Variants in GDPD4 observed in about 807,000 individuals in gnomAD.
GDPD4 encodes the protein glycerophosphodiester phosphodiesterase domain containing 4, also known as glycerophosphodiester phosphodiesterase 6.
A neutral mutation model predicts 67.8 loss-of-function variants in GDPD4; 60 were observed. The observed-to-expected ratio is 0.88, with a 90% CI of 0.72 to 1.10. GDPD4 has a LOEUF of 1.10. Ranked by LOEUF, GDPD4 falls within the 50% of genes least tolerant of loss-of-function variation. GDPD4 has a pLI of 0.00. For synonymous variants in GDPD4, 212 were observed against 210.9 expected (o/e 1.00, Z -0.04); for missense variants, 623 against 613.9 (o/e 1.01, Z -0.16).
intron 16 of GDPD4, among the ~76,000 whole-genome samples, chr11:77,227,125 C>G (rs1209619312): frequency 6.6e-6 from 1 of 152,174 alleles, no homozygotes; most frequent in Non-Finnish European, 1.5e-5. Flanking sequence ...CATTGGCTTC[C>G]AAAACTTACT....
chr11:77,220,675 TTG>T (rs1958208996), intron 16 of GDPD4, among the ~76,000 whole-genome samples: 1 of 150,834 alleles, frequency 6.6e-6, no homozygotes, highest in South Asian at 2.1e-4. Flanking sequence ...TCTTTTTTTG[TTG>T]TGTCTCTGCC....
At chr11:77,254,539 C>G (rs1403890728) in intron 11 of GDPD4, among the ~76,000 whole-genome samples, 1 of 152,132 alleles carries the variant, frequency 6.6e-6, no homozygotes, top group African/African-American at 2.4e-5. Flanking sequence ...TGTCATTTCT[C>G]CTTTGAGTGG....
intron 11 of GDPD4, among the ~76,000 whole-genome samples, chr11:77,258,096 G>A (rs983104218): frequency 5.3e-5 from 8 of 152,202 alleles, no homozygotes; most frequent in Non-Finnish European, 2.9e-5. Flanking sequence ...TTATGTACAT[G>A]TTAGCCATAC....
chr11:77,251,149 A>G (rs544369656), intron 11 of GDPD4, among the ~76,000 whole-genome samples: 2 of 152,296 alleles, frequency 1.3e-5, no homozygotes, highest in East Asian at 3.9e-4. Flanking sequence ...CAAGGTTATT[A>G]TAATAGGGGA....
intron 13 of GDPD4, among the ~76,000 whole-genome samples, chr11:77,238,122 A>C (rs1958598017): frequency 6.6e-6 from 1 of 152,174 alleles, no homozygotes; most frequent in Non-Finnish European, 1.5e-5. Context: ...AAGATAACAA[A>C]GCCAAAATTC....
intron 16 of GDPD4, among the ~76,000 whole-genome samples, chr11:77,226,617 T>C (rs112681604): frequency 0.04 from 6,109 of 152,258 alleles, 433 homozygotes; most frequent in African/African-American, 0.14. Flanking sequence ...ACCCAGTCTA[T>C]GGTATTTTGT....
At position 77,285,271 on chromosome 11, in the gene GDPD4, G is replaced by A. The variant is rs187050242; in HGVS notation, c.-50-84C>T. The A allele has an allele frequency of 8.7e-5, 59 of 680,816 alleles. No individual in the cohort carries two copies. The Admixed American group carries it at 1.5e-3, about 18-fold the overall frequency. The allele number at this position is 680,816 out of a possible 1,614,324, so 42.2% of individuals were successfully genotyped here. ...TTCTGTATACACTTGCCAAAGGTCA[G>A]CATAGTTGCACTGCCATGCATTACC... On this transcript the variant is annotated intron_variant, in intron 2 of 16. Coordinates refer to ENST00000315938, the MANE Select transcript of GDPD4 (RefSeq NM_182833.3).
Position 77,235,010 on chromosome 11 carries a change from T to TTTTTTG in GDPD4, c.1242-1839_1242-1838insCAAAAA, listed in dbSNP as rs55866440. ...CTCTCTGCAACCTTGTCAATATCTG[T>TTTTTTG]TTTTTTTTTTTTTTTTTTTTTTTTT... On this transcript the variant is annotated intron_variant, in intron 13 of 16. Transcript: ENST00000315938. Among the ~76,000 whole-genome samples, 91 of 18,550 alleles carry TTTTTTG rather than the reference T, an allele frequency of 4.9e-3. 1 individual carries two copies. Among genetic ancestry groups the TTTTTTG allele is most frequent in the African/African-American group, 0.027 (82 of 3,076 alleles). 12.2% of individuals were successfully genotyped at this position (18,550 alleles called of 152,430 possible).
chr11:77,227,968 C>T (rs1958375973), intron 15 of GDPD4, 52 bp from the exon 16 acceptor site: 1 of 1,212,928 alleles, frequency 8.2e-7, no homozygotes, highest in Non-Finnish European at 1.2e-6. Context: ...GAATCATGGT[C>T]TCTTCTAACG....
At position 77,229,186 on chromosome 11, in the gene GDPD4, G is replaced by A; in HGVS notation, c.1436C>T (p.Ser479Phe). ...VFMWLLADIISVLFIVAIFCF... is the reference protein window; with the variant it reads ...VFMWLLADIIFVLFIVAIFCF... Reference sequence around the variant, plus strand: ...AAATATGGCAACAATAAAAAGCACAGAAATGATATCTGCAAGGAGCCACAT... The same window carrying A: ...AAATATGGCAACAATAAAAAGCACAAAAATGATATCTGCAAGGAGCCACAT... Residue 479 changes from serine to phenylalanine, a missense_variant, in exon 15 of 17, where the codon TCT (serine) becomes TTT (phenylalanine). Physicochemically the swap from Ser to Phe is radical, Grantham distance 155. Transcript: ENST00000315938. 1.2e-6 allele frequency: 2 copies of A among 1,608,500 alleles called. No homozygotes were observed. Among genetic ancestry groups the A allele is most frequent in the Non-Finnish European group, 1.7e-6 (2 of 1,176,108 alleles).
Position 77,217,054 on chromosome 11 carries a change from A to G in GDPD4, c.*223T>C, listed in dbSNP as rs549213009. The G allele has an allele frequency of 4.3e-6, 3 of 704,132 alleles. No homozygotes were observed. The highest frequency in any genetic ancestry group is 1.7e-5 in the African/African-American group (1 of 57,224). 43.6% of individuals were successfully genotyped at this position (704,132 alleles called of 1,614,324 possible). A position where few individuals can be genotyped will look rare whatever the true frequency, so the allele number is the denominator to read the frequency against. ...GCCTGGTGGGTGCTTGGGTGAGTTC[A>G]AAGACCACGGTGGGCATCGGTGGTT... is the stretch of plus-strand genomic sequence containing the variant. On this transcript the variant is annotated 3_prime_UTR_variant, in exon 17 of 17. Transcript: ENST00000315938.
At chr11:77,247,938 G>C (rs1468541401) in intron 11 of GDPD4, among the ~76,000 whole-genome samples, 3 of 151,108 alleles carry the variant, frequency 2.0e-5, no homozygotes, top group Non-Finnish European at 4.4e-5. Context: ...TGTAATCCCA[G>C]CTACTTGGGA....
chr11:77,281,314 C>A (rs555448063), intron 3 of GDPD4, among the ~76,000 whole-genome samples: 3 of 152,292 alleles, frequency 2.0e-5, no homozygotes, highest in African/African-American at 7.2e-5. Context: ...GCATCACCAA[C>A]TGTCAGCTGA....
chr11:77,216,650 C>G lies in GDPD4; in HGVS notation c.*627G>C. On this transcript the variant is annotated 3_prime_UTR_variant, in exon 17 of 17. Transcript: ENST00000315938. The stretch of plus-strand genomic sequence containing the variant: ...AGGATGAGATAAACCTGACAGCAAC[C>G]AGTTCCAAGACCACACACAGCAGTT... 4 of 458,074 alleles carry G rather than the reference C, an allele frequency of 8.7e-6. No individual in the cohort carries two copies. In the South Asian group the frequency reaches 1.1e-4, roughly 13 times the overall value. The allele number at this position is 458,074 out of a possible 1,614,324, so 28.4% of individuals were successfully genotyped here. A position where few individuals can be genotyped will look rare whatever the true frequency, so the allele number is the denominator to read the frequency against.
intron 2 of GDPD4, 69 bp downstream of exon 2, chr11:77,287,149 G>A: frequency 6.6e-6 from 1 of 152,222 alleles, no homozygotes; most frequent in East Asian, 1.9e-4. Flanking sequence ...GAGCCCTCAT[G>A]GGGCCCAGCA....
chr11:77,237,324 G>A (rs560951708), intron 13 of GDPD4, among the ~76,000 whole-genome samples: 6 of 152,174 alleles, frequency 3.9e-5, no homozygotes, highest in East Asian at 3.9e-4. Context: ...GATAAATCTC[G>A]GCAGTATGTA....
intron 1 of GDPD4, among the ~76,000 whole-genome samples, chr11:77,296,454 G>C (rs1208489110): frequency 6.6e-6 from 1 of 150,598 alleles, no homozygotes; most frequent in African/African-American, 2.4e-5. Flanking sequence ...CTGAGTAGCT[G>C]GCATTACAAG....
chr11:77,290,623 AG>A (rs1285315415), intron 1 of GDPD4, among the ~76,000 whole-genome samples: 9 of 152,206 alleles, frequency 5.9e-5, no homozygotes, highest in African/African-American at 2.2e-4. Context: ...GAATGTTGAG[AG>A]GGAAGCTTAT....
At chr11:77,274,218 C>T (rs1256692386) in intron 5 of GDPD4, among the ~76,000 whole-genome samples, 1 of 152,216 alleles carries the variant, frequency 6.6e-6, no homozygotes, top group Admixed American at 6.5e-5. Flanking sequence ...GAAAAAATCT[C>T]ATGGCTTCAA....
Sources: allele counts gnomAD v4.1 joint callset (sites outside exome capture counted in the v4.1 genomes callset), GRCh38; gene constraint gnomAD v4.1.1; transcripts MANE v1.5; gene names NCBI Gene and HGNC (gene_info 2026-07-23, HGNC 2026-07-21).